Variants in NSUN6 observed in about 807,000 individuals in gnomAD.
NSUN6 encodes NOP2/Sun RNA methyltransferase 6.
NSUN6 carries 64 observed loss-of-function variants against 58.0 expected under a neutral mutation model. The ratio of observed to expected loss-of-function variants is 1.10; its 90% CI spans 0.90 to 1.36. The LOEUF (loss-of-function observed/expected upper bound fraction) is 1.36, where lower values mean the gene tolerates loss of function less well. Ranked by LOEUF, NSUN6 falls within the 40% of genes most tolerant of loss-of-function variation. The pLI is 0.00. For missense variants in NSUN6, 701 were observed against 550.1 expected, an observed-to-expected ratio of 1.27 and a Z score of -2.74; for synonymous variants, 231 against 193.9, an observed-to-expected ratio of 1.19 and a Z score of -1.59.
chr10:18,551,292 G>GTGTGTGTGTGTGTGTGTGT (rs34031704), intron 9 of NSUN6, among the ~76,000 whole-genome samples: 5 of 144,880 alleles, frequency 3.5e-5, no homozygotes, highest in East Asian at 2.0e-4. Context: ...GTGTGTGTGT[G>GTGTGTGTGTGTGTGTGTGT]GTAAAATATA....
intron 8 of NSUN6, among the ~76,000 whole-genome samples, chr10:18,553,557 G>A (rs945047004): frequency 6.6e-6 from 1 of 151,764 alleles, no homozygotes. Flanking sequence ...GGATGGAATG[G>A]AATGAAATGG....
chr10:18,607,003 A>AAG (rs1353807036), intron 6 of NSUN6, among the ~76,000 whole-genome samples: 1 of 152,254 alleles, frequency 6.6e-6, no homozygotes, highest in Non-Finnish European at 1.5e-5. Context: ...TATGGCTACC[A>AAG]AGAGCTTCTT....
At chr10:18,590,922 C>CA (rs781018810) in intron 7 of NSUN6, among the ~76,000 whole-genome samples, 5 of 151,852 alleles carry the variant, frequency 3.3e-5, no homozygotes, top group Non-Finnish European at 5.9e-5. Flanking sequence ...GACAGAGACA[C>CA]AAAAAACCCT....
At chr10:18,598,130 C>A (rs750652787) in intron 6 of NSUN6, among the ~76,000 whole-genome samples, 1 of 152,184 alleles carries the variant, frequency 6.6e-6, no homozygotes, top group African/African-American at 2.4e-5. Context: ...ATCAATGTAC[C>A]TTGTAATCTC....
intron 8 of NSUN6, among the ~76,000 whole-genome samples, chr10:18,582,415 G>A (rs76519047): frequency 2.6e-5 from 4 of 152,244 alleles, no homozygotes; most frequent in Admixed American, 6.5e-5. Context: ...TGAAAATAAC[G>A]GAGATTGTGG....
At chr10:18,617,312 T>C (rs1207405378) in intron 3 of NSUN6, among the ~76,000 whole-genome samples, 1 of 151,148 alleles carries the variant, frequency 6.6e-6, no homozygotes, top group Non-Finnish European at 1.5e-5. Context: ...CTCAGCCTCC[T>C]GAGTAACTGG....
chr10:18,576,722 T>C (rs1352600977), intron 8 of NSUN6, among the ~76,000 whole-genome samples: 3 of 152,108 alleles, frequency 2.0e-5, no homozygotes, highest in African/African-American at 7.2e-5. Context: ...GCAGTGAGCT[T>C]AAGAATTTTT....
intron 9 of NSUN6, among the ~76,000 whole-genome samples, chr10:18,548,595 A>T (rs1413973105): frequency 6.6e-6 from 1 of 152,054 alleles, no homozygotes; most frequent in Non-Finnish European, 1.5e-5. Context: ...GCTTCTTAAC[A>T]TTTCTTTTTT....
At chr10:18,633,116 T>C (rs1396791924) in intron 3 of NSUN6, among the ~76,000 whole-genome samples, 1 of 151,848 alleles carries the variant, frequency 6.6e-6, no homozygotes, top group African/African-American at 2.4e-5. Flanking sequence ...GGGACATGGA[T>C]GAAATTGGAA....
chr10:18,637,890 T>C lies in NSUN6; in HGVS notation c.311+4586A>G, dbSNP rs142095043. 3.6e-3 allele frequency among the ~76,000 whole-genome samples: 554 copies of C among 152,364 alleles called. 4 individuals carry two copies. Among genetic ancestry groups the C allele is most frequent in the African/African-American group, 0.012 (503 of 41,590 alleles). The stretch of plus-strand genomic sequence containing the variant: ...GAATATTATCATCTTTTCTATTTTC[T>C]AAAAATGAGTACAAATGACTGTACA... On this transcript the variant is annotated intron_variant, in intron 3 of 10. Transcript: ENST00000377304.
chr10:18,624,647 CA>C (rs10671283), intron 3 of NSUN6, among the ~76,000 whole-genome samples: 27 of 77,068 alleles, frequency 3.5e-4, no homozygotes, highest in African/African-American at 4.8e-4. Flanking sequence ...GACTCTGTCT[CA>C]AAAAAAAAAA....
intron 8 of NSUN6, among the ~76,000 whole-genome samples, chr10:18,572,067 C>T (rs752320013): frequency 1.3e-5 from 2 of 151,132 alleles, no homozygotes; most frequent in Non-Finnish European, 3.0e-5. Flanking sequence ...CACTGAATTC[C>T]ATTCTCCATT....
At chr10:18,650,766 A>G (rs1429542853) in intron 1 of NSUN6, among the ~76,000 whole-genome samples, 1 of 152,264 alleles carries the variant, frequency 6.6e-6, no homozygotes, top group Non-Finnish European at 1.5e-5. Flanking sequence ...GAGGCACTCA[A>G]CAAATTACAG....
chr10:18,625,940 G>C (rs1211318166), intron 3 of NSUN6, among the ~76,000 whole-genome samples: 2 of 151,878 alleles, frequency 1.3e-5, no homozygotes, highest in Non-Finnish European at 2.9e-5. Flanking sequence ...TGTCTACAAA[G>C]TGCTAAGGGA....
At chr10:18,611,203 A>T (rs567234449) in intron 5 of NSUN6, among the ~76,000 whole-genome samples, 37 of 152,236 alleles carry the variant, frequency 2.4e-4, no homozygotes, top group African/African-American at 6.5e-4. Flanking sequence ...TAAAATTTTT[A>T]AAAAAATTTT....
rs373400641 is a variant in NSUN6 at position 18,587,141 on chromosome 10, C to T, written c.778-1048G>A. Among the ~76,000 whole-genome samples, 104 of 152,270 alleles carry T rather than the reference C, an allele frequency of 6.8e-4. 1 individual carries two copies. Among genetic ancestry groups the T allele is most frequent in the African/African-American group, 2.5e-3 (103 of 41,552 alleles). On this transcript the variant is annotated intron_variant, in intron 7 of 10. Transcript: ENST00000377304. Reference sequence around the variant, plus strand: ...CAAAACTCAACACCAAAAGTATTTGCAATCTTCGAAAGACACTTAAAAACA... The same window carrying T: ...CAAAACTCAACACCAAAAGTATTTGTAATCTTCGAAAGACACTTAAAAACA...
At chr10:18,636,585 T>C (rs372769911) in intron 3 of NSUN6, among the ~76,000 whole-genome samples, 2 of 151,924 alleles carry the variant, frequency 1.3e-5, no homozygotes, top group East Asian at 3.9e-4. Flanking sequence ...TCATTTCTCA[T>C]AATGGAAAGT....
chr10:18,643,172 C>T (rs2059438685), intron 2 of NSUN6, among the ~76,000 whole-genome samples: 2 of 151,594 alleles, frequency 1.3e-5, no homozygotes, highest in African/African-American at 4.8e-5. Context: ...AGTATTTATA[C>T]CACAGAAATC....
At chr10:18,624,679 G>T (rs1477032738) in intron 3 of NSUN6, among the ~76,000 whole-genome samples, 1 of 146,042 alleles carries the variant, frequency 6.8e-6, no homozygotes, top group East Asian at 2.0e-4. Flanking sequence ...GAATGCGGAA[G>T]AAAAAGATCA....
Sources: allele counts gnomAD v4.1 joint callset (sites outside exome capture counted in the v4.1 genomes callset), GRCh38; gene constraint gnomAD v4.1.1; transcripts MANE v1.5; gene names NCBI Gene and HGNC (gene_info 2026-07-23, HGNC 2026-07-21).